The following EFNA5 variants were observed in gnomAD, a reference collection of about 807,000 sequenced individuals.
EFNA5 encodes the protein ephrin A5.
A neutral mutation model predicts 22.9 loss-of-function variants in EFNA5; 5 were observed. The observed-to-expected ratio is 0.22, with a 90% CI of 0.11 to 0.46. EFNA5 has a LOEUF of 0.46. Ranked by LOEUF, EFNA5 falls within the 20% of genes least tolerant of loss-of-function variation. The pLI is 0.99. For missense variants in EFNA5, 237 were observed against 293.3 expected (o/e 0.81, Z 1.40); for synonymous variants, 113 against 112.2 (o/e 1.01, Z -0.04).
intron 2 of EFNA5, among the ~76,000 whole-genome samples, chr5:107,410,177 G>A (rs1033817413): frequency 6.6e-6 from 1 of 151,924 alleles, no homozygotes; most frequent in Non-Finnish European, 1.5e-5. Flanking sequence ...ACAGGCACCC[G>A]CCACCACACC....
intron 1 of EFNA5, among the ~76,000 whole-genome samples, chr5:107,641,751 C>T (rs947034264): frequency 6.6e-6 from 1 of 152,108 alleles, no homozygotes; most frequent in Non-Finnish European, 1.5e-5. Context: ...AGCAAGTGTA[C>T]AGCATCTGTT....
chr5:107,383,953 A>G (rs571899270), intron 4 of EFNA5, among the ~76,000 whole-genome samples: 3 of 152,194 alleles, frequency 2.0e-5, no homozygotes, highest in Non-Finnish European at 4.4e-5. Context: ...CCTGCCCCCC[A>G]AAAGGAAATC....
chr5:107,664,006 C>A (rs1751020580), intron 1 of EFNA5, among the ~76,000 whole-genome samples: 1 of 152,120 alleles, frequency 6.6e-6, no homozygotes, highest in South Asian at 2.1e-4. Context: ...CTGTGGTACA[C>A]TACTGTCTCT....
chr5:107,492,415 T>C (rs897334822), intron 1 of EFNA5, among the ~76,000 whole-genome samples: 3 of 152,242 alleles, frequency 2.0e-5, no homozygotes, highest in Non-Finnish European at 4.4e-5. Flanking sequence ...TTATAAAAGT[T>C]AGTGAATTTA....
intron 1 of EFNA5, among the ~76,000 whole-genome samples, chr5:107,603,670 G>A (rs757021817): frequency 6.6e-6 from 1 of 152,166 alleles, no homozygotes; most frequent in Non-Finnish European, 1.5e-5. Flanking sequence ...GGTAAAGTAC[G>A]TTTACTGAGA....
chr5:107,526,347 G>A (rs1747695875), intron 1 of EFNA5, among the ~76,000 whole-genome samples: 1 of 152,210 alleles, frequency 6.6e-6, no homozygotes, highest in Admixed American at 6.5e-5. Context: ...TACAGTGAGA[G>A]TTATATTTCC....
intron 1 of EFNA5, among the ~76,000 whole-genome samples, chr5:107,495,766 G>A (rs1169694823): frequency 2.0e-5 from 3 of 152,172 alleles, no homozygotes; most frequent in South Asian, 2.1e-4. Context: ...AAGCATCCCC[G>A]GAAGTCAGGA....
chr5:107,609,886 G>A (rs1473385944), intron 1 of EFNA5, among the ~76,000 whole-genome samples: 1 of 152,116 alleles, frequency 6.6e-6, no homozygotes, highest in Non-Finnish European at 1.5e-5. Context: ...TTATCAAAGG[G>A]ACAAAACCAA....
chr5:107,391,956 T>C (rs1235014139), intron 2 of EFNA5, among the ~76,000 whole-genome samples: 1 of 152,190 alleles, frequency 6.6e-6, no homozygotes, highest in African/African-American at 2.4e-5. Context: ...CCAAAAATCT[T>C]GGTCTCCTGG....
At chr5:107,464,560 C>T (rs547688926) in intron 1 of EFNA5, among the ~76,000 whole-genome samples, 7 of 152,198 alleles carry the variant, frequency 4.6e-5, no homozygotes, top group Non-Finnish European at 7.4e-5. Flanking sequence ...CTCTGCTGCA[C>T]TGCTCCTTCT....
At chr5:107,557,939 T>C (rs1008640444) in intron 1 of EFNA5, among the ~76,000 whole-genome samples, 1 of 152,130 alleles carries the variant, frequency 6.6e-6, no homozygotes, top group African/African-American at 2.4e-5. Flanking sequence ...TTATGCAAGA[T>C]AAAACAAGCA....
intron 2 of EFNA5, among the ~76,000 whole-genome samples, chr5:107,408,755 G>A (rs1748286978): frequency 1.3e-5 from 2 of 152,178 alleles, no homozygotes; most frequent in Non-Finnish European, 2.9e-5. Flanking sequence ...TTATGCAAAT[G>A]TTGAGTGAGA....
chr5:107,492,776 A>G (rs997635555), intron 1 of EFNA5, among the ~76,000 whole-genome samples: 17 of 152,280 alleles, frequency 1.1e-4, no homozygotes, highest in African/African-American at 2.6e-4. Flanking sequence ...AGGCGGGCGG[A>G]TCATCTGAGG....
intron 1 of EFNA5, among the ~76,000 whole-genome samples, chr5:107,544,788 A>G (rs994082135): frequency 6.6e-6 from 1 of 152,220 alleles, no homozygotes; most frequent in African/African-American, 2.4e-5. Flanking sequence ...TCTTATTCCA[A>G]TCACAACCCA....
chr5:107,669,444 C>T (rs1751139568), intron 1 of EFNA5, among the ~76,000 whole-genome samples: 1 of 151,964 alleles, frequency 6.6e-6, no homozygotes, highest in South Asian at 2.1e-4. Context: ...ATGGGCCTAG[C>T]GGGGCCGACT....
chr5:107,461,637 A>G (rs1749838444), intron 1 of EFNA5, among the ~76,000 whole-genome samples: 1 of 152,168 alleles, frequency 6.6e-6, no homozygotes, highest in African/African-American at 2.4e-5. Flanking sequence ...TTGCTTCTGT[A>G]GGTCAAAAGT....
At chr5:107,498,586 G>T (rs150928265) in intron 1 of EFNA5, among the ~76,000 whole-genome samples, 7 of 152,234 alleles carry the variant, frequency 4.6e-5, no homozygotes, top group African/African-American at 1.7e-4. Flanking sequence ...ATCACACATC[G>T]CCTCGGCTCA....
chr5:107,587,359 T>A (rs557420445), intron 1 of EFNA5, among the ~76,000 whole-genome samples: 33 of 152,148 alleles, frequency 2.2e-4, no homozygotes, highest in Middle Eastern at 3.2e-3. Flanking sequence ...GACCTACTTG[T>A]ATGCTGGGAA....
intron 2 of EFNA5, among the ~76,000 whole-genome samples, chr5:107,414,214 A>G (rs1480841086): frequency 6.6e-6 from 1 of 152,170 alleles, no homozygotes; most frequent in Non-Finnish European, 1.5e-5. Context: ...TTTACCTATC[A>G]TCTCCAGACA....
Sources: gnomAD v4.1 joint callset for allele counts (sites outside exome capture counted in the v4.1 genomes callset) on GRCh38, gnomAD v4.1.1 for gene constraint, MANE v1.5 for transcripts, NCBI Gene and HGNC (gene_info 2026-07-23, HGNC 2026-07-21) for gene names.